LMBRD1: variants seen among roughly 807,000 people sequenced by gnomAD.
LMBRD1 encodes the protein LMBR1 domain containing 1.
In LMBRD1, 64 loss-of-function variants were observed where a neutral mutation model predicts 74.8. The ratio of observed to expected loss-of-function variants is 0.86; its 90% CI spans 0.70 to 1.05. LMBRD1 has a LOEUF of 1.05. Among genes scored for constraint, LMBRD1 ranks in the 50% least tolerant of loss-of-function variants. The probability of loss-of-function intolerance (pLI) is 0.00; values close to 1 mark genes in which losing one functional copy is unlikely to be tolerated. For synonymous variants in LMBRD1, 204 were observed against 216.3 expected, an observed-to-expected ratio of 0.94 and a Z score of 0.50; for missense variants, 652 against 645.9, an observed-to-expected ratio of 1.01 and a Z score of -0.10.
At chr6:69,709,907 A>G (rs1766346061) in intron 9 of LMBRD1, among the ~76,000 whole-genome samples, 1 of 152,202 alleles carries the variant, frequency 6.6e-6, no homozygotes, top group Non-Finnish European at 1.5e-5. Flanking sequence ...ATAAATAGAT[A>G]TCATGTTCAT....
chr6:69,692,799 T>C (rs1765918701), intron 14 of LMBRD1, among the ~76,000 whole-genome samples: 1 of 152,116 alleles, frequency 6.6e-6, no homozygotes, highest in Non-Finnish European at 1.5e-5. Flanking sequence ...CATTTATTTT[T>C]TCTCTTATTA....
At chr6:69,696,241 T>A (rs1000070039) in intron 14 of LMBRD1, among the ~76,000 whole-genome samples, 10 of 152,336 alleles carry the variant, frequency 6.6e-5, no homozygotes, top group Admixed American at 2.6e-4. Flanking sequence ...CTTCTTAAAT[T>A]GCTTTATTTC....
rs1008229388 is a variant in LMBRD1 at position 69,725,846 on chromosome 6, C to T, written c.637-6765G>A. On this transcript the variant is annotated intron_variant, in intron 7 of 15. Transcript: ENST00000649934. ...TCTGGATAAAGCTTCTTAAGTAATA[C>T]CTTAGAAGTACAGGCAACCAAAGCA... is the stretch of plus-strand genomic sequence containing the variant. Among the ~76,000 whole-genome samples, 116 of 152,194 alleles carry T rather than the reference C, an allele frequency of 7.6e-4. 1 individual carries two copies. The highest frequency in any genetic ancestry group is 2.6e-3 in the African/African-American group (110 of 41,538).
At chr6:69,771,197 T>C (rs1765568796) in intron 3 of LMBRD1, among the ~76,000 whole-genome samples, 1 of 152,146 alleles carries the variant, frequency 6.6e-6, no homozygotes. Context: ...AAGGCTGCAA[T>C]CAAGATGTTA....
intron 3 of LMBRD1, among the ~76,000 whole-genome samples, chr6:69,777,435 A>T (rs963439264): frequency 7.6e-6 from 1 of 131,546 alleles, no homozygotes; most frequent in Middle Eastern, 3.9e-3. Context: ...ACAGAGCAAG[A>T]CTCTGTTGCA....
chr6:69,789,878 G>A (rs1436472768), intron 2 of LMBRD1, among the ~76,000 whole-genome samples: 2 of 152,226 alleles, frequency 1.3e-5, no homozygotes, highest in Non-Finnish European at 2.9e-5. Flanking sequence ...TAAGGGTCAA[G>A]ACTAGAACTC....
At chr6:69,687,177 C>T (rs774060320) in intron 14 of LMBRD1, among the ~76,000 whole-genome samples, 4 of 152,174 alleles carry the variant, frequency 2.6e-5, no homozygotes, top group Non-Finnish European at 5.9e-5. Context: ...TGTGTACTTG[C>T]TGTTAACACT....
chr6:69,726,925 G>T (rs1280639294), intron 7 of LMBRD1, among the ~76,000 whole-genome samples: 1 of 152,120 alleles, frequency 6.6e-6, no homozygotes, highest in Non-Finnish European at 1.5e-5. Context: ...AGGCTGAGGC[G>T]AGTGGATCAC....
At chr6:69,707,408 G>A (rs565315384) in intron 9 of LMBRD1, among the ~76,000 whole-genome samples, 15 of 152,148 alleles carry the variant, frequency 9.9e-5, no homozygotes, top group African/African-American at 3.6e-4. Context: ...CCTGGATGAG[G>A]GCATCATTAG....
intron 6 of LMBRD1, among the ~76,000 whole-genome samples, chr6:69,738,513 T>A (rs1226846543): frequency 6.6e-6 from 1 of 151,996 alleles, no homozygotes; most frequent in Non-Finnish European, 1.5e-5. Context: ...AATTAAAGAT[T>A]TATTTCACTT....
At chr6:69,751,523 C>T (rs891416910) in intron 4 of LMBRD1, among the ~76,000 whole-genome samples, 6 of 152,138 alleles carry the variant, frequency 3.9e-5, no homozygotes, top group East Asian at 1.9e-4. Flanking sequence ...GACAAGGTTT[C>T]GCCATGTTGG....
intron 5 of LMBRD1, among the ~76,000 whole-genome samples, chr6:69,744,531 C>A (rs955347296): frequency 1.3e-5 from 2 of 152,184 alleles, no homozygotes; most frequent in Admixed American, 6.5e-5. Flanking sequence ...ATTAACTTCA[C>A]ACACATTATC....
chr6:69,687,321 T>A (rs1389701159), intron 14 of LMBRD1, among the ~76,000 whole-genome samples: 1 of 152,142 alleles, frequency 6.6e-6, no homozygotes, highest in Non-Finnish European at 1.5e-5. Context: ...CCAGTTAATC[T>A]CCTTTGGCAC....
intron 2 of LMBRD1, among the ~76,000 whole-genome samples, chr6:69,782,184 A>G (rs1582158894): frequency 1.3e-5 from 2 of 152,240 alleles, no homozygotes; most frequent in East Asian, 3.8e-4. Context: ...ATTAGTACAT[A>G]GATAGTTTAT....
intron 14 of LMBRD1, among the ~76,000 whole-genome samples, chr6:69,693,082 C>T (rs1005192284): frequency 3.3e-5 from 5 of 151,796 alleles, no homozygotes; most frequent in African/African-American, 4.8e-5. Context: ...TGTAAAGGTC[C>T]CCTTGGAATA....
At chr6:69,729,040 C>A (rs997397150) in intron 7 of LMBRD1, among the ~76,000 whole-genome samples, 10 of 151,756 alleles carry the variant, frequency 6.6e-5, no homozygotes, top group African/African-American at 2.4e-4. Context: ...TGGGAAAAGA[C>A]TCTAATTAAT....
intron 8 of LMBRD1, 119 bp from the exon 9 acceptor site, chr6:69,713,916 C>T: frequency 9.4e-7 from 1 of 1,061,904 alleles, no homozygotes; most frequent in Non-Finnish European, 1.4e-6. Context: ...GGCAAATTTA[C>T]AAACTAAAAA....
chr6:69,718,931 C>T (rs1163772900), intron 8 of LMBRD1, 25 bp downstream of exon 8: 1 of 1,611,956 alleles, frequency 6.2e-7, no homozygotes, highest in South Asian at 1.1e-5. Flanking sequence ...TTATGCTTCC[C>T]AATTACACCA....
intron 14 of LMBRD1, among the ~76,000 whole-genome samples, chr6:69,685,038 T>TAG (rs1244904549): frequency 2.0e-5 from 3 of 152,164 alleles, no homozygotes; most frequent in African/African-American, 7.2e-5. Context: ...AAAAGTAGAA[T>TAG]AGAGATAAGA....
Sources: allele counts gnomAD v4.1 joint callset (sites outside exome capture counted in the v4.1 genomes callset), GRCh38; gene constraint gnomAD v4.1.1; transcripts MANE v1.5; gene names NCBI Gene and HGNC (gene_info 2026-07-23, HGNC 2026-07-21).